The following OSBPL5 variants were observed in gnomAD, a reference collection of about 807,000 sequenced individuals.
The protein encoded by OSBPL5 is oxysterol-binding protein-related protein 5.
Under a neutral mutation model 111.2 loss-of-function variants are expected in OSBPL5, and 71 were observed. That is an observed-to-expected ratio of 0.64 (90% CI 0.53 to 0.78). The LOEUF is 0.78. Ranked by LOEUF, OSBPL5 falls within the 30% of genes least tolerant of loss-of-function variation. OSBPL5 has a pLI of 0.00. For missense variants in OSBPL5, 1,210 were observed against 1,189.3 expected (o/e 1.02, Z -0.26); for synonymous variants, 549 against 513.9 (o/e 1.07, Z -0.93).
intron 7 of OSBPL5, among the ~76,000 whole-genome samples, chr11:3,112,501 AAGT>A (rs1858037819): frequency 7.2e-6 from 1 of 139,442 alleles, no homozygotes; most frequent in African/African-American, 2.7e-5. Context: ...TTTTTGACTA[AAGT>A]AGTTATTGCA....
chr11:3,153,987 G>C (rs1027659378), intron 1 of OSBPL5, among the ~76,000 whole-genome samples: 1 of 152,238 alleles, frequency 6.6e-6, no homozygotes, highest in Non-Finnish European at 1.5e-5. Flanking sequence ...CAACAGCGCC[G>C]TCAGCCCCGC....
At chr11:3,153,107 G>A (rs912709481) in intron 1 of OSBPL5, among the ~76,000 whole-genome samples, 1 of 152,024 alleles carries the variant, frequency 6.6e-6, no homozygotes, top group Non-Finnish European at 1.5e-5. Flanking sequence ...CGGCTACGAG[G>A]TGAGCTGCTT....
Position 3,101,695 on chromosome 11 carries a change from G to A in OSBPL5, c.1430C>T (p.Ser477Phe), listed in dbSNP as rs755002878. 1 of 1,613,280 alleles carries A rather than the reference G, an allele frequency of 6.2e-7. No individual in the cohort carries two copies. Among genetic ancestry groups the A allele is most frequent in the Non-Finnish European group, 8.5e-7 (1 of 1,179,698 alleles). The change falls in exon 13 of 22, where the codon TCC becomes TTC. Residue 477 changes from serine to phenylalanine, a missense_variant. Transcript: ENST00000263650. The stretch of plus-strand genomic sequence containing the variant: ...GAAGGCAGACACGGGCGGGTGGTGG[G>A]ACACCTGCGTGCAGGGAGGCGGCTC... ...SRTFYIAEQVSHHPPVSAFHV... is the reference protein window; with the variant it reads ...SRTFYIAEQVFHHPPVSAFHV...
chr11:3,156,865 G>A (rs1288514492), intron 1 of OSBPL5, among the ~76,000 whole-genome samples: 1 of 152,180 alleles, frequency 6.6e-6, no homozygotes, highest in Non-Finnish European at 1.5e-5. Flanking sequence ...GCCCTGCAAT[G>A]GCCCATTTCA....
intron 6 of OSBPL5, 76 bp downstream of exon 6, chr11:3,120,345 C>T (rs977145640): frequency 9.8e-5 from 150 of 1,526,938 alleles, no homozygotes; most frequent in Non-Finnish European, 1.2e-4. Flanking sequence ...GTTGGCTCCA[C>T]CCTCCACCAG....
At chr11:3,094,177 G>T in intron 15 of OSBPL5, 60 bp downstream of exon 15, 2 of 1,502,534 alleles carry the variant, frequency 1.3e-6, no homozygotes. Context: ...GTGTGAGGGG[G>T]ATCCCCAAGG....
intron 3 of OSBPL5, 87 bp from the exon 4 acceptor site, chr11:3,122,515 A>T: frequency 8.0e-7 from 1 of 1,246,144 alleles, no homozygotes; most frequent in Non-Finnish European, 1.1e-6. Context: ...CAAGGATATG[A>T]GGGCAGAAGT....
intron 3 of OSBPL5, among the ~76,000 whole-genome samples, chr11:3,123,902 C>T (rs1403338616): frequency 2.0e-5 from 3 of 152,160 alleles, no homozygotes; most frequent in Admixed American, 1.3e-4. Flanking sequence ...GGCATGGAAC[C>T]GTTCCACGGA....
chr11:3,160,230 T>A lies in OSBPL5; in HGVS notation c.-22+4986A>T, dbSNP rs368099897. Among the ~76,000 whole-genome samples, 18 of 152,224 alleles carry A rather than the reference T, an allele frequency of 1.2e-4. No homozygotes were observed. The South Asian group carries it at 3.5e-3, about 30-fold the overall frequency. ...CCACGGGCCAGCGTCGGGGCTCCTC[T>A]CCCTCTGGCCAATGTGGGGAGCCTC... On this transcript the variant is annotated intron_variant, in intron 1 of 21. Coordinates refer to ENST00000263650, the MANE Select transcript of OSBPL5 (RefSeq NM_020896.4).
At chr11:3,103,807 T>TTTCCAGCCTGTGCCGCCCC (rs1857575189) in intron 10 of OSBPL5, among the ~76,000 whole-genome samples, 1 of 44,470 alleles carries the variant, frequency 2.2e-5, no homozygotes, top group Non-Finnish European at 5.8e-5. Context: ...TCTGCAGCCC[T>TTTCCAGCCTGTGCCGCCCC]CTTCCTGCCT....
At position 3,118,570 on chromosome 11, in the gene OSBPL5, A is replaced by T. The variant is rs1000822839; in HGVS notation, c.691+977T>A. Among the ~76,000 whole-genome samples the T allele has an allele frequency of 1.9e-4, 24 of 124,138 alleles. No homozygotes were observed. The East Asian group carries it at 2.3e-3, about 12-fold the overall frequency. The allele number at this position is 124,138 out of a possible 152,430, so 81.4% of individuals were successfully genotyped here. A position where few individuals can be genotyped will look rare whatever the true frequency, so the allele number is the denominator to read the frequency against. On this transcript the variant is annotated intron_variant, in intron 7 of 21. Coordinates refer to ENST00000263650, the MANE Select transcript of OSBPL5 (RefSeq NM_020896.4). ...GGCCTCAACCTTGGCAAAATAAACT[A>T]TTTTTTTTTTTTTTTTTTTGAGATG...
Position 3,107,368 on chromosome 11 carries a change from G to T in OSBPL5, c.954C>A (p.Asp318Glu), listed in dbSNP as rs1857738650. 6.2e-7 allele frequency: 1 copy of T among 1,613,902 alleles called. No homozygotes were observed. The highest frequency in any genetic ancestry group is 1.1e-5 in the South Asian group (1 of 91,080). The change falls in exon 9 of 22, where the codon GAC (aspartate) becomes GAA (glutamate). Residue 318 changes from aspartate (D) to glutamate (E), a missense_variant. Transcript: ENST00000263650. The surrounding 1 kb of genome is among the most constrained non-coding windows in gnomAD (Gnocchi z 6.1). Reference sequence around the variant, plus strand: ...TGCCACTCTCCGTCTTCCGGCTATGGTCCTGGGTCTCGGTATCTGACTCCT... The same window carrying T: ...TGCCACTCTCCGTCTTCCGGCTATGTTCCTGGGTCTCGGTATCTGACTCCT... ...NPEESDTETQ[D>E]HSRKTESGSD... is the part of the protein sequence containing the mutation.
rs924033224 is a variant in OSBPL5, at chr11:3,121,052, T to C, written c.403-428A>G. On this transcript the variant is annotated intron_variant, in intron 5 of 21. Coordinates refer to ENST00000263650, the MANE Select transcript of OSBPL5 (RefSeq NM_020896.4). The surrounding 1 kb of genome is among the most constrained non-coding windows in gnomAD (Gnocchi z 4.3). ...GTGGTGTGACTTGTAACTGGCAGCT[T>C]TGTAGATTCTTTTTTTTTTTTTTTT... Among the ~76,000 whole-genome samples the C allele has an allele frequency of 7.4e-5, 11 of 147,928 alleles. No homozygotes were observed. The highest frequency in any genetic ancestry group is 2.2e-4 in the African/African-American group (9 of 40,066).
At chr11:3,164,960 C>T (rs1408471313) in intron 1 of OSBPL5, among the ~76,000 whole-genome samples, 6 of 151,560 alleles carry the variant, frequency 4.0e-5, no homozygotes, top group South Asian at 2.1e-4. Context: ...CGCCAGGCGC[C>T]GACCCGTCCT....
At chr11:3,102,498 T>A (rs1284461872) in intron 11 of OSBPL5, among the ~76,000 whole-genome samples, 1 of 152,134 alleles carries the variant, frequency 6.6e-6, no homozygotes, top group Admixed American at 6.5e-5. Flanking sequence ...CTCAGGGGAA[T>A]CCTGTCCACT....
At chr11:3,102,080 T>C (rs1857479810) in intron 12 of OSBPL5, 103 bp downstream of exon 12, 2 of 1,232,106 alleles carry the variant, frequency 1.6e-6, no homozygotes, top group Admixed American at 4.2e-5. Flanking sequence ...AAGCCGGCCC[T>C]CGGGGTCACG....
At chr11:3,103,113 C>T (rs1474503785) in intron 11 of OSBPL5, 126 bp downstream of exon 11, 15 of 777,954 alleles carry the variant, frequency 1.9e-5, no homozygotes, top group Non-Finnish European at 3.0e-5. Flanking sequence ...TGGGGGTGAC[C>T]AGGATCCTTC....
intron 1 of OSBPL5, among the ~76,000 whole-genome samples, chr11:3,156,115 G>A (rs886735159): frequency 6.6e-6 from 1 of 152,182 alleles, no homozygotes; most frequent in Non-Finnish European, 1.5e-5. Flanking sequence ...GAAGGGAAGG[G>A]AAGTCAGCAC....
intron 1 of OSBPL5, among the ~76,000 whole-genome samples, chr11:3,153,142 G>A (rs1846644413): frequency 6.6e-6 from 1 of 152,168 alleles, no homozygotes; most frequent in East Asian, 1.9e-4. Context: ...GTCATGTAGC[G>A]GTGGGTGACT....
Sources: allele counts gnomAD v4.1 joint callset (sites outside exome capture counted in the v4.1 genomes callset), GRCh38; gene constraint gnomAD v4.1.1; non-coding constraint Gnocchi (gnomAD v3.1); transcripts MANE v1.5; gene names NCBI Gene and HGNC (gene_info 2026-07-23, HGNC 2026-07-21).